RHBDF2: variants seen among roughly 807,000 people sequenced by gnomAD.
RHBDF2 encodes the protein inactive rhomboid protein 2.
A neutral mutation model predicts 95.2 loss-of-function variants in RHBDF2; 38 were observed. The ratio of observed to expected loss-of-function variants is 0.40; its 90% confidence interval spans 0.31 to 0.52. RHBDF2 has a LOEUF of 0.52. Among genes scored for constraint, RHBDF2 ranks in the 20% least tolerant of loss-of-function variants. The pLI, the probability that RHBDF2 is intolerant of heterozygous loss-of-function variation, is 0.56. For synonymous variants in RHBDF2, 442 were observed against 462.0 expected (o/e 0.96, Z 0.55); for missense variants, 863 against 1,137.7 (o/e 0.76, Z 3.47).
At chr17:76,497,958 C>T (rs935312506) in intron 1 of RHBDF2, among the ~76,000 whole-genome samples, 4 of 152,324 alleles carry the variant, frequency 2.6e-5, no homozygotes, top group East Asian at 1.9e-4. Context: ...CTGCAGGAGC[C>T]GGGCACTGGG....
At chr17:76,481,651 G>A in intron 2 of RHBDF2, 106 bp from the exon 3 acceptor site, 1 of 1,123,214 alleles carries the variant, frequency 8.9e-7, no homozygotes. Flanking sequence ...CTTGCCTAAA[G>A]TTGGTTCAAA....
At chr17:76,484,608 C>T (rs970035379) in intron 2 of RHBDF2, among the ~76,000 whole-genome samples, 2 of 152,008 alleles carry the variant, frequency 1.3e-5, no homozygotes, top group African/African-American at 4.8e-5. Context: ...CTCCGCACCG[C>T]AGCTGGGGTC....
At position 76,479,105 on chromosome 17, in the gene RHBDF2, G is replaced by C; in HGVS notation, c.445C>G (p.Pro149Ala). 1 of 1,613,652 alleles carries C rather than the reference G, an allele frequency of 6.2e-7. No homozygotes were observed. ...EAPSFQGTESPKPCKMPKIVD... is the reference protein window; with the variant it reads ...EAPSFQGTESAKPCKMPKIVD... Reference sequence around the variant, plus strand: ...ACCTTGGGCATCTTGCAGGGCTTTGGGGACTCAGTGCCCTGGAAGGACGGT... The same window carrying C: ...ACCTTGGGCATCTTGCAGGGCTTTGCGGACTCAGTGCCCTGGAAGGACGGT... The change falls in exon 5 of 19, where the codon CCA (proline) becomes GCA (alanine). Residue 149 changes from proline (P) to alanine (A), a missense_variant. Around this residue, in one of 2 missense-constraint regions of RHBDF2, gnomAD observed 611 missense variants for 725.5 expected, o/e 0.84. Transcript: ENST00000675367.
chr17:76,474,688 G>A lies in RHBDF2; in HGVS notation c.1302+42C>T, dbSNP rs781385877. ...CCCAGCTGGGAGTGACAGGGCACAG[G>A]GACTCCTGGCTCAGATGATGTCCCC... is the stretch of plus-strand genomic sequence containing the variant. On this transcript the variant is annotated intron_variant, in intron 11 of 18. Transcript: ENST00000675367. 18 of 1,614,002 alleles carry A rather than the reference G, an allele frequency of 1.1e-5. No homozygotes were observed. The South Asian group carries it at 2.0e-4, about 18-fold the overall frequency.
At position 76,476,942 on chromosome 17, in the gene RHBDF2, G is replaced by A. The variant is rs775956509; in HGVS notation, c.1003C>T (p.Arg335Trp). Residue 335 changes from arginine to tryptophan, a missense_variant, in exon 9 of 19, where the codon CGG becomes TGG. Around this residue, in one of 2 missense-constraint regions of RHBDF2, gnomAD observed 611 missense variants for 725.5 expected, o/e 0.84. Transcript: ENST00000675367. The part of the protein sequence containing the change: ...ASKVKHFAFD[R>W]KKRHYGLGVV... ...CCGAGGCCGTAGTGCCGCTTCTTCCGATCAAAGGCAAAGTGCTTCACCTTG... is the reference window on the plus strand; with the variant it reads ...CCGAGGCCGTAGTGCCGCTTCTTCCAATCAAAGGCAAAGTGCTTCACCTTG... The A allele has an allele frequency of 1.2e-6, 2 of 1,613,938 alleles. No individual in the cohort carries two copies. The highest frequency in any genetic ancestry group is 1.7e-6 in the Non-Finnish European group (2 of 1,180,034).
At chr17:76,482,772 CA>C (rs200585024) in intron 2 of RHBDF2, among the ~76,000 whole-genome samples, 7 of 144,334 alleles carry the variant, frequency 4.8e-5, no homozygotes, top group South Asian at 4.4e-4. Context: ...GAAAATGTCT[CA>C]AAAAAAAAAG....
Position 76,476,904 on chromosome 17 carries a change from G to A in RHBDF2, c.1041C>T (p.Asn347=). 6.2e-7 allele frequency: 1 copy of A among 1,613,536 alleles called. No individual in the cohort carries two copies. The highest frequency in any genetic ancestry group is 2.2e-5 in the East Asian group (1 of 44,888). ...TGCGGCGGTAGCTGCGGTTCAGCCA[G>A]TTGCCCACCACGCCGAGGCCGTAGT... ...KRHYGLGVVG[N]WLNRSYRRSI... Residue 347 remains asparagine, a synonymous_variant, in exon 9 of 19, where the codon AAC becomes AAT. Transcript: ENST00000675367.
At chr17:76,498,957 G>C (rs1232714490) in intron 1 of RHBDF2, among the ~76,000 whole-genome samples, 1 of 151,908 alleles carries the variant, frequency 6.6e-6, no homozygotes, top group African/African-American at 2.4e-5. Flanking sequence ...CTTGGGTGGG[G>C]CCTGAGGGTG....
Position 76,481,357 on chromosome 17 carries a change from C to T in RHBDF2, c.150+18G>A. Reference sequence around the variant, plus strand: ...TTACCTACGGCAGAACAGTGAGCCCCCAGGCCAGCCCCCTTACCTCAGGCA... The same window carrying T: ...TTACCTACGGCAGAACAGTGAGCCCTCAGGCCAGCCCCCTTACCTCAGGCA... On this transcript the variant is annotated intron_variant, in intron 3 of 18. Coordinates refer to ENST00000675367, the MANE Select transcript of RHBDF2 (RefSeq NM_001005498.4). The T allele has an allele frequency of 6.2e-7, 1 of 1,603,236 alleles. No individual in the cohort carries two copies. The highest frequency in any genetic ancestry group is 8.5e-7 in the Non-Finnish European group (1 of 1,175,468).
rs201641424 is a variant in RHBDF2 at position 76,474,328 on chromosome 17, C to T, written c.1464+45G>A. ...AAGGACAGGGCAAGTGGAGCTAGTC[C>T]GGGACCAGGGTCTGGCAGGGGTAGG... On this transcript the variant is annotated intron_variant, in intron 12 of 18. Coordinates refer to ENST00000675367, the MANE Select transcript of RHBDF2 (RefSeq NM_001005498.4). 1.0e-4 allele frequency: 163 copies of T among 1,595,432 alleles called. 1 individual carries two copies. The highest frequency in any genetic ancestry group is 2.7e-4 in the African/African-American group (20 of 74,708).
chr17:76,478,755 A>T, intron 6 of RHBDF2, 51 bp downstream of exon 6: 1 of 1,484,452 alleles, frequency 6.7e-7, no homozygotes, highest in South Asian at 1.2e-5. Flanking sequence ...GGGAGGGGCA[A>T]GGAAGGGAGG....
At chr17:76,486,090 AC>A (rs1323376609) in intron 2 of RHBDF2, among the ~76,000 whole-genome samples, 1 of 104,650 alleles carries the variant, frequency 9.6e-6, no homozygotes, top group Non-Finnish European at 2.3e-5. Context: ...ACACACACAC[AC>A]ACACACACAC....
chr17:76,475,622 A>G (rs2144092185), intron 9 of RHBDF2, among the ~76,000 whole-genome samples: 1 of 150,242 alleles, frequency 6.7e-6, no homozygotes, highest in South Asian at 2.1e-4. Flanking sequence ...TCGCTCTGTC[A>G]CCTAGGCTGG....
In RHBDF2 at chr17:76,474,802, C is replaced by T; in HGVS notation, c.1230G>A (p.Val410=). Reference sequence around the variant, plus strand: ...TCTCGTACACACCTTTGTTCCGCAGCACCTATCGTGGAGGTAGCACAGAGG... The same window carrying T: ...TCTCGTACACACCTTTGTTCCGCAGTACCTATCGTGGAGGTAGCACAGAGG... ...GFAQHVTTQL[V]LRNKGVYESV... The change falls in exon 11 of 19, where the codon GTG becomes GTA. Residue 410 remains valine (V), a splice_region_variant and synonymous_variant. Transcript: ENST00000675367. 1.2e-6 allele frequency: 2 copies of T among 1,613,796 alleles called. No individual in the cohort carries two copies. The highest frequency in any genetic ancestry group is 2.2e-5 in the East Asian group (1 of 44,870).
rs746505233 is a variant in RHBDF2 at position 76,475,084 on chromosome 17, A to G, written c.1173T>C (p.Ile391=). Residue 391 remains isoleucine (I), a synonymous_variant, in exon 10 of 19, where the codon ATT becomes ATC. Transcript: ENST00000675367. ...CCACGGGTGCGATGCCATACGTGCA[A>G]ATCACCAGCAGCGTGATGATGACAT... ...FVHVIITLLV[I]CTYGIAPVGF... is the part of the protein sequence containing the mutation. 4.4e-6 allele frequency: 7 copies of G among 1,600,732 alleles called. No individual in the cohort carries two copies. The Admixed American group carries it at 7.0e-5, about 16-fold the overall frequency.
chr17:76,481,823 A>G lies in RHBDF2; in HGVS notation c.-21-278T>C, dbSNP rs142060853. The G allele has an allele frequency of 1.2e-3, 273 of 231,356 alleles. 1 individual carries two copies. Among genetic ancestry groups the G allele is most frequent in the African/African-American group, 5.6e-3 (253 of 45,056 alleles). 14.3% of individuals were successfully genotyped at this position (231,356 alleles called of 1,614,324 possible). On this transcript the variant is annotated intron_variant, in intron 2 of 18. Transcript: ENST00000675367. The stretch of plus-strand genomic sequence containing the variant: ...CAAAAAATTAGCTAGGCGTGGTGGC[A>G]CGTGCCTGTAATCCCAGCTACTCGG...
At chr17:76,488,745 G>A (rs1189727700) in intron 1 of RHBDF2, among the ~76,000 whole-genome samples, 1 of 152,120 alleles carries the variant, frequency 6.6e-6, no homozygotes, top group Non-Finnish European at 1.5e-5. Flanking sequence ...TCAGGAGTTC[G>A]AGACCAGTCT....
rs777178007 is a variant in RHBDF2, at chr17:76,476,999, G to T, written c.946C>A (p.Pro316Thr). Residue 316 changes from proline (P) to threonine (T), a missense_variant, in exon 9 of 19, where the codon CCC (proline) becomes ACC (threonine). By Grantham distance (38) the Pro-to-Thr change is conservative (BLOSUM62 -1). Transcript: ENST00000675367. ...ATGCGCTTGCCGCGCCGGGGCCCGG[G>T]GACTGGGGCTCGGCCATACTCCTTC... is the stretch of plus-strand genomic sequence containing the variant. ...PLKEYGRAPV[P>T]GPRRGKRIAS... is the part of the protein sequence containing the mutation. 1 of 1,613,836 alleles carries T rather than the reference G, an allele frequency of 6.2e-7. No homozygotes were observed. The highest frequency in any genetic ancestry group is 1.1e-5 in the South Asian group (1 of 91,066).
intron 1 of RHBDF2, among the ~76,000 whole-genome samples, chr17:76,488,345 C>A (rs2074199748): frequency 6.6e-6 from 1 of 151,556 alleles, no homozygotes; most frequent in Admixed American, 6.6e-5. Flanking sequence ...ACTAAAAATA[C>A]AAAAGTTAGC....
Sources: allele counts gnomAD v4.1 joint callset (sites outside exome capture counted in the v4.1 genomes callset), GRCh38; gene constraint gnomAD v4.1.1; regional missense constraint gnomAD v4.1.1; transcripts MANE v1.5; gene names NCBI Gene and HGNC (gene_info 2026-07-23, HGNC 2026-07-21).